The following PEBP4 variants were observed in gnomAD, a reference collection of about 807,000 sequenced individuals.
PEBP4 encodes the protein phosphatidylethanolamine binding protein 4.
PEBP4 carries 22 observed loss-of-function variants against 23.9 expected under a neutral mutation model. That is an observed-to-expected ratio of 0.92 (90% CI 0.66 to 1.31). The LOEUF is 1.31. Among genes scored for constraint, PEBP4 ranks in the 40% most tolerant of loss-of-function variants. PEBP4 has a pLI of 0.00. For missense variants in PEBP4, 324 were observed against 281.7 expected (o/e 1.15, Z -1.07); for synonymous variants, 112 against 99.3 (o/e 1.13, Z -0.76).
chr8:22,713,836 G>A (rs1367162052), intron 6 of PEBP4, among the ~76,000 whole-genome samples: 1 of 148,866 alleles, frequency 6.7e-6, no homozygotes, highest in Admixed American at 6.8e-5. Flanking sequence ...TAGCAAAACT[G>A]CCTTCTCGCT....
intron 3 of PEBP4, among the ~76,000 whole-genome samples, chr8:22,820,075 A>C (rs559930965): frequency 1.1e-4 from 16 of 152,302 alleles, no homozygotes; most frequent in Admixed American, 3.9e-4. Flanking sequence ...TCTTGGGTAG[A>C]AGCAGAGGAC....
intron 3 of PEBP4, among the ~76,000 whole-genome samples, chr8:22,853,939 CCTAGT>C (rs1348528646): frequency 4.6e-5 from 7 of 152,304 alleles, no homozygotes; most frequent in Non-Finnish European, 1.0e-4. Context: ...GGCCACAGAT[CCTAGT>C]TAGCAAGAAC....
intron 3 of PEBP4, chr8:22,895,768 C>T (rs1808578858): frequency 6.6e-6 from 1 of 152,218 alleles, no homozygotes; most frequent in Admixed American, 6.5e-5. Context: ...GCTCTATCTT[C>T]AAGTTCACTG....
chr8:22,728,378 C>G lies in PEBP4; in HGVS notation c.358-1158G>C, dbSNP rs117290972. 8.5e-5 allele frequency among the ~76,000 whole-genome samples: 13 copies of G among 152,242 alleles called. No individual in the cohort carries two copies. In the East Asian group the frequency reaches 2.5e-3, roughly 29 times the overall value. ...AGATATCCCTCTTCCAAGGCTGGTTCCTATAGAGCTAGGTCTCATTTGGTT... is the reference window on the plus strand; with the variant it reads ...AGATATCCCTCTTCCAAGGCTGGTTGCTATAGAGCTAGGTCTCATTTGGTT... On this transcript the variant is annotated intron_variant, in intron 4 of 6. Coordinates refer to ENST00000256404, the MANE Select transcript of PEBP4 (RefSeq NM_144962.3).
intron 3 of PEBP4, among the ~76,000 whole-genome samples, chr8:22,918,771 T>C (rs543780416): frequency 2.6e-5 from 4 of 152,160 alleles, no homozygotes; most frequent in African/African-American, 9.6e-5. Context: ...AAAGATTGGG[T>C]TCCTGCCCGG....
chr8:22,831,707 TGACCAAATAAAGA>T (rs1807086588), intron 3 of PEBP4, among the ~76,000 whole-genome samples: 1 of 151,930 alleles, frequency 6.6e-6, no homozygotes, highest in Non-Finnish European at 1.5e-5. Context: ...CTGCTCAGGG[TGACCAAATAAAGA>T]CCAGCAGAGG....
At chr8:22,730,830 T>A (rs1804714423) in intron 4 of PEBP4, among the ~76,000 whole-genome samples, 1 of 152,168 alleles carries the variant, frequency 6.6e-6, no homozygotes, top group Non-Finnish European at 1.5e-5. Context: ...TAGAATTTAG[T>A]CTCTGAAGGC....
upstream of PEBP4, among the ~76,000 whole-genome samples, chr8:22,932,526 T>TACACAC (rs964867479): frequency 6.6e-6 from 1 of 151,138 alleles, no homozygotes. Context: ...AACACACATA[T>TACACAC]ACACACACAC....
Position 22,861,889 on chromosome 8 carries a change from T to C in PEBP4, c.259-44154A>G, listed in dbSNP as rs1164048730. Reference sequence around the variant, plus strand: ...TAGTCTCAATCTTGCGCTTTAGCGATAAGATCTTAGGAGCAATTTGTGAGG... The same window carrying C: ...TAGTCTCAATCTTGCGCTTTAGCGACAAGATCTTAGGAGCAATTTGTGAGG... On this transcript the variant is annotated intron_variant, in intron 3 of 6. Transcript: ENST00000256404. Among the ~76,000 whole-genome samples, 5 of 152,304 alleles carry C rather than the reference T, an allele frequency of 3.3e-5. No homozygotes were observed. In the East Asian group the frequency reaches 9.6e-4, roughly 29 times the overall value.
chr8:22,937,214 CTGTT>C (rs1223167018), intron 1 of PEBP4, among the ~76,000 whole-genome samples: 1 of 152,146 alleles, frequency 6.6e-6, no homozygotes, highest in Non-Finnish European at 1.5e-5. Context: ...AAAAGAAAAA[CTGTT>C]AGAGCTAATA....
At chr8:22,770,666 G>A (rs1452498999) in intron 4 of PEBP4, among the ~76,000 whole-genome samples, 1 of 152,244 alleles carries the variant, frequency 6.6e-6, no homozygotes, top group Non-Finnish European at 1.5e-5. Context: ...TGCCCAGGCT[G>A]AGGGAAGTTG....
At chr8:22,848,200 G>A (rs750469312) in intron 3 of PEBP4, among the ~76,000 whole-genome samples, 2 of 152,074 alleles carry the variant, frequency 1.3e-5, no homozygotes, top group Non-Finnish European at 2.9e-5. Flanking sequence ...AATAGACAAC[G>A]AGTTAACAGA....
At chr8:22,862,525 A>G (rs1262502122) in intron 3 of PEBP4, among the ~76,000 whole-genome samples, 1 of 141,210 alleles carries the variant, frequency 7.1e-6, no homozygotes, top group Non-Finnish European at 1.6e-5. Context: ...AGGAGCTGGG[A>G]GTACAGTCAT....
intron 4 of PEBP4, among the ~76,000 whole-genome samples, chr8:22,736,040 C>T (rs968845321): frequency 7.2e-5 from 11 of 152,160 alleles, no homozygotes; most frequent in Admixed American, 1.3e-4. Context: ...ATGGCAGCTT[C>T]GAGCCCCTGG....
intron 3 of PEBP4, among the ~76,000 whole-genome samples, chr8:22,906,672 A>C (rs1808822024): frequency 6.6e-6 from 1 of 152,218 alleles, no homozygotes; most frequent in Non-Finnish European, 1.5e-5. Context: ...ATTCTTCTGG[A>C]GTTTGGCATT....
intron 4 of PEBP4, among the ~76,000 whole-genome samples, chr8:22,728,563 C>CCTTT (rs1491522838): frequency 4.3e-5 from 3 of 69,304 alleles, no homozygotes; most frequent in Middle Eastern, 0.01. Flanking sequence ...TTTCTTTCTT[C>CCTTT]CTTCCTTCCT....
rs552513373 is a variant in PEBP4, at chr8:22,765,937, T to C, written c.358-38717A>G. Among the ~76,000 whole-genome samples, 46 of 149,638 alleles carry C rather than the reference T, an allele frequency of 3.1e-4. 1 individual carries two copies. In the Admixed American group the frequency reaches 3.1e-3, roughly 10 times the overall value. ...ACCACCTGTGGATCACCACCATTCA[T>C]GGATCACCACCTGTGGATCACCACA... On this transcript the variant is annotated intron_variant, in intron 4 of 6. Coordinates refer to ENST00000256404, the MANE Select transcript of PEBP4 (RefSeq NM_144962.3).
chr8:22,924,433 C>T (rs1399653942), intron 2 of PEBP4, among the ~76,000 whole-genome samples: 1 of 152,048 alleles, frequency 6.6e-6, no homozygotes, highest in African/African-American at 2.4e-5. Flanking sequence ...GATGACTGCC[C>T]AGGTTGGGGG....
intron 5 of PEBP4, 22 bp downstream of exon 5, chr8:22,727,153 G>T: frequency 1.2e-6 from 2 of 1,613,466 alleles, no homozygotes; most frequent in South Asian, 2.2e-5. Context: ...CTGGGGGAAG[G>T]GGTCCCTAGG....
Sources: allele counts gnomAD v4.1 joint callset (sites outside exome capture counted in the v4.1 genomes callset), GRCh38; gene constraint gnomAD v4.1.1; transcripts MANE v1.5; gene names NCBI Gene and HGNC (gene_info 2026-07-23, HGNC 2026-07-21).